RAB4B: variants seen among roughly 807,000 people sequenced by gnomAD.
RAB4B encodes ras-related protein Rab-4B.
A neutral mutation model predicts 28.3 loss-of-function variants in RAB4B; 15 were observed. The observed-to-expected ratio is 0.53, with a 90% CI of 0.35 to 0.82. The LOEUF is 0.82. RAB4B is among the 40% of genes least tolerant of loss of function. The probability of loss-of-function intolerance (pLI) is 0.01; values close to 1 mark genes in which losing one functional copy is unlikely to be tolerated. For synonymous variants in RAB4B, 108 were observed against 116.3 expected (o/e 0.93, Z 0.46); for missense variants, 244 against 288.5 (o/e 0.85, Z 1.12).
At chr19:40,792,747 C>G (rs1354294487) in intron 7 of RAB4B, among the ~76,000 whole-genome samples, 1 of 152,178 alleles carries the variant, frequency 6.6e-6, no homozygotes, top group Non-Finnish European at 1.5e-5. Context: ...GTGCAATCAC[C>G]ACTTCTGTGT....
rs781386440 is a variant in RAB4B at position 40,783,906 on chromosome 19, C to T, written c.276-15C>T. 1.3e-6 allele frequency: 2 copies of T among 1,597,228 alleles called. No individual in the cohort carries two copies. Among genetic ancestry groups the T allele is most frequent in the South Asian group, 2.2e-5 (2 of 89,790 alleles). ...CTCTCCTGCACTGCCTCCCTCCCTT[C>T]TCCCTTCTCCACAGCCGGGAGACAT... is the stretch of plus-strand genomic sequence containing the variant. On this transcript the variant is annotated splice_polypyrimidine_tract_variant and intron_variant, in intron 4 of 7. Transcript: ENST00000357052.
chr19:40,779,903 T>G, intron 1 of RAB4B, 116 bp from the exon 2 acceptor site: 1 of 1,584,510 alleles, frequency 6.3e-7, no homozygotes, highest in Non-Finnish European at 8.6e-7. Context: ...TGCCTATGTC[T>G]GTTTCTCTCC....
At chr19:40,793,172 T>C (rs2083174879) in intron 7 of RAB4B, among the ~76,000 whole-genome samples, 1 of 152,030 alleles carries the variant, frequency 6.6e-6, no homozygotes, top group South Asian at 2.1e-4. Context: ...ACTCTCCATT[T>C]CCCCCAACCC....
rs747527228 is a variant in RAB4B, at chr19:40,786,899, CCCTCCGCCAGCTTCGGCAG to C, written c.583_601del (p.Arg195GlyfsTer68). 1.6e-5 allele frequency: 26 copies of C among 1,614,022 alleles called. No homozygotes were observed. The highest frequency in any genetic ancestry group is 4.0e-5 in the African/African-American group (3 of 74,930). ...TCTGGCATTCAGTACGGGGATGCGT[CCCTCCGCCAGCTTCGGCAG>C]CCTCGGAGTGCCCAGGCCGTGGCCC... On this transcript the variant is annotated frameshift_variant, in exon 7 of 8. Coordinates refer to ENST00000357052, the MANE Select transcript of RAB4B (RefSeq NM_016154.5). LOFTEE classifies it high-confidence loss of function.
Position 40,783,950 on chromosome 19 carries a change from G to A in RAB4B, c.305G>A (p.Trp102Ter). 6.2e-7 allele frequency: 1 copy of A among 1,612,988 alleles called. No individual in the cohort carries two copies. Among genetic ancestry groups the A allele is most frequent in the Non-Finnish European group, 8.5e-7 (1 of 1,179,102 alleles). Residue 102 changes from tryptophan to a stop codon, truncating the protein, a stop_gained, in exon 5 of 8, where the codon TGG becomes TAG. Transcript: ENST00000357052. LOFTEE classifies it high-confidence loss of function. ...GAGACATACAACTCACTGGCTGCCT[G>A]GCTGACGGATGCCCGCACCCTGGCC... is the stretch of plus-strand genomic sequence containing the variant. ...SRETYNSLAA[W>*]LTDARTLASP...
At chr19:40,790,462 C>G (rs1462647286) in intron 7 of RAB4B, among the ~76,000 whole-genome samples, 1 of 151,432 alleles carries the variant, frequency 6.6e-6, no homozygotes, top group African/African-American at 2.4e-5. Flanking sequence ...GCTCCGCCTC[C>G]TGGGTTCATG....
At position 40,783,953 on chromosome 19, in the gene RAB4B, T is replaced by C; in HGVS notation, c.308T>C (p.Leu103Pro). 6.2e-7 allele frequency: 1 copy of C among 1,613,156 alleles called. No individual in the cohort carries two copies. Among genetic ancestry groups the C allele is most frequent in the South Asian group, 1.1e-5 (1 of 91,048 alleles). Residue 103 changes from leucine (L) to proline (P), a missense_variant, in exon 5 of 8, where the codon CTG (leucine) becomes CCG (proline). Physicochemically the swap from Leu to Pro is moderately conservative, Grantham distance 98. Coordinates refer to ENST00000357052, the MANE Select transcript of RAB4B (RefSeq NM_016154.5). Reference protein sequence around the residue: ...RETYNSLAAWLTDARTLASPN... With the variant: ...RETYNSLAAWPTDARTLASPN... Reference sequence around the variant, plus strand: ...ACATACAACTCACTGGCTGCCTGGCTGACGGATGCCCGCACCCTGGCCAGC... The same window carrying C: ...ACATACAACTCACTGGCTGCCTGGCCGACGGATGCCCGCACCCTGGCCAGC...
At chr19:40,785,798 G>A (rs10405633) in intron 5 of RAB4B, 27,479 of 152,926 alleles carry the variant, frequency 0.18, 2,660 homozygotes, top group African/African-American at 0.25. Flanking sequence ...CAACCTTCAT[G>A]GAGCTCACAG....
intron 3 of RAB4B, among the ~76,000 whole-genome samples, chr19:40,783,147 CAAAAAA>C (rs1168587843): frequency 8.4e-5 from 3 of 35,680 alleles, no homozygotes; most frequent in Non-Finnish European, 1.2e-4. Flanking sequence ...GATTCCTACT[CAAAAAA>C]AAAAAAAAAA....
chr19:40,788,091 G>A (rs768586857), intron 7 of RAB4B, among the ~76,000 whole-genome samples: 6 of 151,742 alleles, frequency 4.0e-5, no homozygotes, highest in East Asian at 3.9e-4. Flanking sequence ...TTTATTGAGC[G>A]CCTGCTGTGT....
At chr19:40,792,877 T>C (rs999452267) in intron 7 of RAB4B, among the ~76,000 whole-genome samples, 1 of 150,578 alleles carries the variant, frequency 6.6e-6, no homozygotes, top group African/African-American at 2.4e-5. Flanking sequence ...ACTTCCAGGG[T>C]TCAAGCAATT....
chr19:40,786,360 G>C (rs1017989355), intron 5 of RAB4B: 4 of 379,036 alleles, frequency 1.1e-5, no homozygotes, highest in African/African-American at 6.3e-5. Flanking sequence ...ACAAGCAGTG[G>C]GGTCAGGGCC....
intron 5 of RAB4B, among the ~76,000 whole-genome samples, chr19:40,784,449 C>CG (rs2083079294): frequency 1.3e-5 from 2 of 152,272 alleles, no homozygotes; most frequent in South Asian, 4.1e-4. Flanking sequence ...GCTGTGATCA[C>CG]GCCATTGTAC....
At chr19:40,779,746 AAAAAAC>A in intron 1 of RAB4B, 1 of 748,318 alleles carries the variant, frequency 1.3e-6, no homozygotes, top group Non-Finnish European at 1.9e-6. Context: ...CTCTGTCTCA[AAAAAAC>A]AAAAACAACG....
chr19:40,783,278 T>TA (rs1311577512), intron 3 of RAB4B, among the ~76,000 whole-genome samples: 1 of 149,476 alleles, frequency 6.7e-6, no homozygotes, highest in Non-Finnish European at 1.5e-5. Flanking sequence ...CAAAAAATAT[T>TA]AAGAAATTAG....
chr19:40,788,784 C>CT (rs1173685187), intron 7 of RAB4B, among the ~76,000 whole-genome samples: 2,461 of 84,168 alleles, frequency 0.029, 108 homozygotes, highest in African/African-American at 0.076. Flanking sequence ...GACAGGGTTT[C>CT]TTTTTTTTTT....
chr19:40,783,699 C>T (rs1346796251), intron 3 of RAB4B, 79 bp from the exon 4 acceptor site: 65 of 1,389,506 alleles, frequency 4.7e-5, no homozygotes, highest in Non-Finnish European at 6.1e-5. Context: ...CTCCGAACCA[C>T]CAGTCTGTCT....
intron 3 of RAB4B, among the ~76,000 whole-genome samples, chr19:40,781,320 A>G (rs546803149): frequency 2.7e-5 from 4 of 149,026 alleles, no homozygotes; most frequent in Non-Finnish European, 6.0e-5. Context: ...ATGAATAAAT[A>G]AATAAATAAA....
chr19:40,780,174 G>C, intron 2 of RAB4B, 75 bp downstream of exon 2: 2 of 1,583,062 alleles, frequency 1.3e-6, no homozygotes, highest in South Asian at 1.2e-5. Flanking sequence ...GGCAGCCGGT[G>C]GGGAGGGCAG....
Sources: allele counts gnomAD v4.1 joint callset (sites outside exome capture counted in the v4.1 genomes callset), GRCh38; gene constraint gnomAD v4.1.1; transcripts MANE v1.5; gene names NCBI Gene and HGNC (gene_info 2026-07-23, HGNC 2026-07-21).